Variants in ANKRD44 observed in about 807,000 individuals in gnomAD.
ANKRD44 encodes ankyrin repeat domain 44.
ANKRD44 carries 35 observed loss-of-function variants against 116.0 expected under a neutral mutation model. The ratio of observed to expected loss-of-function variants is 0.30; its 90% CI spans 0.23 to 0.40. ANKRD44 has a LOEUF of 0.40. ANKRD44 is among the 10% of genes least tolerant of loss of function. The pLI is 1.00. For synonymous variants in ANKRD44, 435 were observed against 461.8 expected (o/e 0.94, Z 0.74); for missense variants, 1,014 against 1,242.6 (o/e 0.82, Z 2.77).
At chr2:197,213,797 A>G (rs1410823319) in intron 1 of ANKRD44, among the ~76,000 whole-genome samples, 1 of 151,550 alleles carries the variant, frequency 6.6e-6, no homozygotes, top group Non-Finnish European at 1.5e-5. Context: ...TAATGATCTG[A>G]TTTATTAGAC....
chr2:197,206,361 G>T (rs2081205452), intron 1 of ANKRD44, among the ~76,000 whole-genome samples: 2 of 152,176 alleles, frequency 1.3e-5, no homozygotes, highest in Admixed American at 6.5e-5. Context: ...CTCTGCTAGG[G>T]AAAAGATGTT....
chr2:197,276,101 C>A (rs1412515164), intron 1 of ANKRD44, among the ~76,000 whole-genome samples: 2 of 151,736 alleles, frequency 1.3e-5, no homozygotes, highest in Non-Finnish European at 2.9e-5. Context: ...CATGGTGAAA[C>A]CCTGTCTCTA....
intron 1 of ANKRD44, among the ~76,000 whole-genome samples, chr2:197,266,372 T>A (rs756326647): frequency 2.6e-5 from 4 of 152,054 alleles, no homozygotes; most frequent in Non-Finnish European, 5.9e-5. Context: ...AAATTACAGT[T>A]GAAATTACAT....
chr2:197,310,723 A>G lies in ANKRD44; in HGVS notation c.-119T>C. 3 of 1,091,244 alleles carry G rather than the reference A, an allele frequency of 2.7e-6. No individual in the cohort carries two copies. The highest frequency in any genetic ancestry group is 3.6e-6 in the Non-Finnish European group (3 of 840,052). 67.6% of individuals were successfully genotyped at this position (1,091,244 alleles called of 1,614,324 possible). ...GGAAAAAATCTGGCTCCCGAATTTGACAGCCCTCCCCCTGCTCCTCCTCCG... is the reference window on the plus strand; with the variant it reads ...GGAAAAAATCTGGCTCCCGAATTTGGCAGCCCTCCCCCTGCTCCTCCTCCG... On this transcript the variant is annotated 5_prime_UTR_variant, in exon 1 of 28. Coordinates refer to ENST00000282272, the MANE Select transcript of ANKRD44 (RefSeq NM_001195144.2).
chr2:197,252,593 A>G (rs1380544268), intron 1 of ANKRD44, among the ~76,000 whole-genome samples: 1 of 152,028 alleles, frequency 6.6e-6, no homozygotes, highest in African/African-American at 2.4e-5. Context: ...TTTTTAGTAG[A>G]GACGGGGTTT....
intron 2 of ANKRD44, among the ~76,000 whole-genome samples, chr2:197,181,969 A>T (rs1044795665): frequency 7.9e-5 from 12 of 152,272 alleles, no homozygotes; most frequent in Non-Finnish European, 1.6e-4. Context: ...TTCCCTCCCC[A>T]TCATCATCAT....
chr2:197,081,001 A>C (rs1310995178), intron 15 of ANKRD44, among the ~76,000 whole-genome samples: 1 of 152,180 alleles, frequency 6.6e-6, no homozygotes, highest in Non-Finnish European at 1.5e-5. Flanking sequence ...TCTCACTGTG[A>C]CCTGTGGTGC....
rs770078617 is a variant in ANKRD44 at position 197,125,461 on chromosome 2, T to C, written c.470A>G (p.Asn157Ser). Residue 157 changes from asparagine to serine, a missense_variant, in exon 6 of 28, where the codon AAT becomes AGT. Asn to Ser is a conservative substitution (Grantham distance 46). Coordinates refer to ENST00000282272, the MANE Select transcript of ANKRD44 (RefSeq NM_001195144.2). Reference protein sequence around the residue: ...AALNGHVEMVNLLLAKGANIN... With the variant: ...AALNGHVEMVSLLLAKGANIN... ...ATTTGCCCCTTTGGCCAAGAGTAAATTGACCATCTGAAAGATAACCAACAA... is the reference window on the plus strand; with the variant it reads ...ATTTGCCCCTTTGGCCAAGAGTAAACTGACCATCTGAAAGATAACCAACAA... The C allele has an allele frequency of 2.5e-6, 4 of 1,613,646 alleles. No homozygotes were observed. Among genetic ancestry groups the C allele is most frequent in the South Asian group, 1.1e-5 (1 of 91,070 alleles).
intron 3 of ANKRD44, among the ~76,000 whole-genome samples, chr2:197,144,628 T>C (rs1213912608): frequency 6.6e-6 from 1 of 152,188 alleles, no homozygotes; most frequent in African/African-American, 2.4e-5. Context: ...AAATTTTCCA[T>C]AGCACATTGA....
intron 16 of ANKRD44, among the ~76,000 whole-genome samples, chr2:197,057,563 G>A (rs1170443725): frequency 6.6e-6 from 1 of 152,084 alleles, no homozygotes; most frequent in African/African-American, 2.4e-5. Context: ...CCATATAACA[G>A]CTCTTTTTGC....
intron 12 of ANKRD44, among the ~76,000 whole-genome samples, chr2:197,088,101 G>A (rs2077966740): frequency 6.6e-6 from 1 of 152,062 alleles, no homozygotes; most frequent in South Asian, 2.1e-4. Context: ...GTCAATGTGT[G>A]GTCACATATA....
intron 1 of ANKRD44, among the ~76,000 whole-genome samples, chr2:197,225,697 C>A (rs2081694640): frequency 7.2e-6 from 1 of 138,882 alleles, no homozygotes; most frequent in South Asian, 2.1e-4. Context: ...AATCTGATTC[C>A]CAAGGAAGAA....
intron 26 of ANKRD44, 180 bp downstream of exon 26, chr2:196,995,199 T>A (rs2075991526): frequency 2.6e-6 from 1 of 381,302 alleles, no homozygotes; most frequent in Admixed American, 4.6e-5. Context: ...TAACTAAAAC[T>A]GCCCAGCTTG....
intron 8 of ANKRD44, among the ~76,000 whole-genome samples, chr2:197,113,351 ATAAC>A (rs966705775): frequency 1.3e-5 from 2 of 152,224 alleles, no homozygotes; most frequent in Non-Finnish European, 2.9e-5. Context: ...ACACTTCAAA[ATAAC>A]TAAGGCGAGA....
chr2:197,068,646 A>G (rs1371630753), intron 16 of ANKRD44, among the ~76,000 whole-genome samples: 2 of 152,160 alleles, frequency 1.3e-5, no homozygotes, highest in East Asian at 1.9e-4. Flanking sequence ...AAAAGTGGGC[A>G]AAGGATATGA....
Position 197,153,905 on chromosome 2 carries a change from G to C in ANKRD44, c.112-6800C>G, listed in dbSNP as rs79002165. ...AAGTGGGAAGGAGGAAAGGGATTAG[G>C]TTGTTTTTAATTCTTCAAACCACTA... On this transcript the variant is annotated intron_variant, in intron 2 of 27. Transcript: ENST00000282272. Among the ~76,000 whole-genome samples the C allele has an allele frequency of 1.4e-4, 21 of 152,094 alleles. No individual in the cohort carries two copies. In the East Asian group the frequency reaches 3.3e-3, roughly 24 times the overall value.
intron 1 of ANKRD44, among the ~76,000 whole-genome samples, chr2:197,258,270 C>CTTTTTTTTTTTTTTT (rs71395680): frequency 2.2e-3 from 176 of 79,228 alleles, no homozygotes; most frequent in Middle Eastern, 0.012. Flanking sequence ...TTGGCTAATC[C>CTTTTTTTTTTTTTTT]TTTTTTTTTT....
chr2:197,059,582 A>G (rs945637983), intron 16 of ANKRD44, among the ~76,000 whole-genome samples: 5 of 152,228 alleles, frequency 3.3e-5, no homozygotes, highest in African/African-American at 1.2e-4. Context: ...GTAAGTAGGT[A>G]AAGAAAGCTG....
chr2:197,104,215 G>A (rs2078372563), intron 9 of ANKRD44, among the ~76,000 whole-genome samples: 1 of 152,142 alleles, frequency 6.6e-6, no homozygotes, highest in African/African-American at 2.4e-5. Context: ...CCCCTTCTCA[G>A]ATTCAAACAA....
Sources: allele counts gnomAD v4.1 joint callset (sites outside exome capture counted in the v4.1 genomes callset), GRCh38; gene constraint gnomAD v4.1.1; transcripts MANE v1.5; gene names NCBI Gene and HGNC (gene_info 2026-07-23, HGNC 2026-07-21).